The following ROBO2 variants were observed in gnomAD, a reference collection of about 807,000 sequenced individuals.
ROBO2 encodes roundabout guidance receptor 2, also known as roundabout homolog 2.
Under a neutral mutation model 160.8 loss-of-function variants are expected in ROBO2, and 53 were observed. The observed-to-expected ratio is 0.33, with a 90% confidence interval of 0.26 to 0.41. The LOEUF is 0.41. Among genes scored for constraint, ROBO2 ranks in the 10% least tolerant of loss-of-function variants. The pLI is 1.00. For synonymous variants in ROBO2, 664 were observed against 611.7 expected, an observed-to-expected ratio of 1.09 and a Z score of -1.26; for missense variants, 1,577 against 1,722.4, an observed-to-expected ratio of 0.92 and a Z score of 1.49.
chr3:76,398,814 A>G (rs1008983825), intron 2 of ROBO2, among the ~76,000 whole-genome samples: 28 of 151,948 alleles, frequency 1.8e-4, no homozygotes, highest in African/African-American at 6.3e-4. Context: ...TTAGTTTAGC[A>G]TATTCTATTA....
chr3:76,855,233 A>C (rs1370026068), intron 2 of ROBO2, among the ~76,000 whole-genome samples: 1 of 152,162 alleles, frequency 6.6e-6, no homozygotes, highest in Non-Finnish European at 1.5e-5. Flanking sequence ...ATAACCTCAA[A>C]TTTAATCAAA....
intron 2 of ROBO2, among the ~76,000 whole-genome samples, chr3:76,623,435 A>G (rs1018669024): frequency 3.3e-5 from 5 of 152,150 alleles, no homozygotes; most frequent in Admixed American, 2.0e-4. Context: ...AATTGCTGTT[A>G]AATAATTTGC....
chr3:76,597,368 GACTAA>G (rs1359348776), intron 2 of ROBO2, among the ~76,000 whole-genome samples: 1 of 151,786 alleles, frequency 6.6e-6, no homozygotes, highest in Non-Finnish European at 1.5e-5. Context: ...TCTGACAAAG[GACTAA>G]TATTGAAGGT....
In ROBO2 at chr3:76,101,401, A is replaced by G. The variant is rs932275411; in HGVS notation, c.109+163799A>G. 2.0e-5 allele frequency among the ~76,000 whole-genome samples: 3 copies of G among 152,156 alleles called. No homozygotes were observed. In the East Asian group the frequency reaches 5.8e-4, roughly 29 times the overall value. On this transcript the variant is annotated intron_variant, in intron 2 of 26. Transcript: ENST00000487694. ...GACGATCACACTTTTAGATATAAAA[A>G]CATTGAATTTGCAACACTAAAAGGG...
At chr3:76,628,584 C>T (rs1247581581) in intron 2 of ROBO2, among the ~76,000 whole-genome samples, 2 of 152,128 alleles carry the variant, frequency 1.3e-5, no homozygotes, top group Admixed American at 6.6e-5. Flanking sequence ...GTCTTACCTA[C>T]TATCTCATTT....
intron 2 of ROBO2, among the ~76,000 whole-genome samples, chr3:76,416,541 G>A (rs1368752023): frequency 1.3e-5 from 2 of 152,148 alleles, no homozygotes; most frequent in Non-Finnish European, 2.9e-5. Flanking sequence ...AGTAGTTAAT[G>A]TGATAAATTA....
intron 19 of ROBO2, among the ~76,000 whole-genome samples, chr3:77,599,166 A>G (rs1424568779): frequency 6.6e-6 from 1 of 152,144 alleles, no homozygotes; most frequent in African/African-American, 2.4e-5. Flanking sequence ...CATTTTAAGC[A>G]TTTACTATGT....
At chr3:76,245,675 G>A (rs1293082065) in intron 2 of ROBO2, among the ~76,000 whole-genome samples, 1 of 151,632 alleles carries the variant, frequency 6.6e-6, no homozygotes, top group Non-Finnish European at 1.5e-5. Context: ...AGTCTCAAAG[G>A]GCTTGGGAAT....
At chr3:76,813,994 C>T (rs1259405401) in intron 2 of ROBO2, among the ~76,000 whole-genome samples, 2 of 152,006 alleles carry the variant, frequency 1.3e-5, no homozygotes, top group African/African-American at 4.8e-5. Flanking sequence ...ATAAGAAAGT[C>T]ATTCCAAAAC....
intron 2 of ROBO2, among the ~76,000 whole-genome samples, chr3:77,007,337 TA>T (rs1283454456): frequency 1.3e-5 from 2 of 152,142 alleles, no homozygotes; most frequent in Non-Finnish European, 1.5e-5. Flanking sequence ...TTTTATTATA[TA>T]TTTTTTTCCT....
intron 2 of ROBO2, among the ~76,000 whole-genome samples, chr3:76,161,297 TTTATAAA>T (rs2072625762): frequency 6.6e-6 from 1 of 152,192 alleles, no homozygotes; most frequent in Non-Finnish European, 1.5e-5. Flanking sequence ...AGAACAACTC[TTTATAAA>T]TGTCCTTAAT....
At chr3:77,544,807 G>A (rs1387461364) in intron 6 of ROBO2, among the ~76,000 whole-genome samples, 1 of 152,042 alleles carries the variant, frequency 6.6e-6, no homozygotes, top group Non-Finnish European at 1.5e-5. Flanking sequence ...CCTAAGAAGC[G>A]AGTTAAAGTG....
chr3:76,608,183 A>G (rs1578498504), intron 2 of ROBO2, among the ~76,000 whole-genome samples: 1 of 152,174 alleles, frequency 6.6e-6, no homozygotes, highest in East Asian at 1.9e-4. Context: ...TTACTTTGCC[A>G]CACAGATGTT....
chr3:76,448,843 G>A (rs763263221), intron 2 of ROBO2, among the ~76,000 whole-genome samples: 30 of 152,036 alleles, frequency 2.0e-4, no homozygotes, highest in African/African-American at 5.1e-4. Context: ...AAGTACCCAC[G>A]GTTGTGCTAG....
At chr3:77,392,872 C>A (rs552930350) in intron 2 of ROBO2, among the ~76,000 whole-genome samples, 1 of 152,080 alleles carries the variant, frequency 6.6e-6, no homozygotes, top group South Asian at 2.1e-4. Context: ...GTTATACATA[C>A]GAAACAAATC....
At chr3:77,339,404 C>A (rs2066827617) in intron 2 of ROBO2, among the ~76,000 whole-genome samples, 1 of 152,080 alleles carries the variant, frequency 6.6e-6, no homozygotes. Context: ...TTTTCACCAT[C>A]TTCTTCATAT....
intron 2 of ROBO2, among the ~76,000 whole-genome samples, chr3:76,133,592 G>A (rs1259803065): frequency 2.0e-5 from 3 of 152,070 alleles, no homozygotes; most frequent in Non-Finnish European, 4.4e-5. Flanking sequence ...TAGGGAAGCC[G>A]ACAGTGCAGC....
chr3:76,235,287 G>T (rs1394473318), intron 2 of ROBO2, among the ~76,000 whole-genome samples: 2 of 152,042 alleles, frequency 1.3e-5, no homozygotes, highest in African/African-American at 4.8e-5. Flanking sequence ...CCGCCCCACC[G>T]CCCAACACAC....
intron 2 of ROBO2, among the ~76,000 whole-genome samples, chr3:76,240,168 C>G (rs1048593677): frequency 1.3e-5 from 2 of 151,996 alleles, no homozygotes; most frequent in Non-Finnish European, 2.9e-5. Flanking sequence ...TTCTGGGGTA[C>G]CTATGCAGAA....
Sources: gnomAD v4.1 joint callset for allele counts (sites outside exome capture counted in the v4.1 genomes callset) on GRCh38, gnomAD v4.1.1 for gene constraint, MANE v1.5 for transcripts, NCBI Gene and HGNC (gene_info 2026-07-23, HGNC 2026-07-21) for gene names.